Variants in MRRF observed in about 807,000 individuals in gnomAD.
MRRF encodes the protein ribosome-recycling factor, mitochondrial.
Under a neutral mutation model 25.1 loss-of-function variants are expected in MRRF, and 18 were observed. The ratio of observed to expected loss-of-function variants is 0.72; its 90% CI spans 0.50 to 1.06. The LOEUF is 1.06. Ranked by LOEUF, MRRF falls within the 50% of genes least tolerant of loss-of-function variation. The pLI is 0.00. For synonymous variants in MRRF, 113 were observed against 112.1 expected, an observed-to-expected ratio of 1.01 and a Z score of -0.05; for missense variants, 323 against 319.3, an observed-to-expected ratio of 1.01 and a Z score of -0.09.
chr9:122,313,928 A>G (rs1835360053), intron 6 of MRRF, among the ~76,000 whole-genome samples: 4 of 152,204 alleles, frequency 2.6e-5, no homozygotes. Flanking sequence ...AAGGTGATAT[A>G]AAAACAATAT....
intron 3 of MRRF, among the ~76,000 whole-genome samples, chr9:122,284,166 T>A (rs1833246528): frequency 6.6e-6 from 1 of 152,040 alleles, no homozygotes; most frequent in African/African-American, 2.4e-5. Flanking sequence ...AGAATCAGGA[T>A]CTCTCCAGGG....
intron 1 of MRRF, chr9:122,265,737 C>T: frequency 7.8e-7 from 1 of 1,287,806 alleles, no homozygotes; most frequent in Non-Finnish European, 1.0e-6. Flanking sequence ...TTTTTGAATA[C>T]GTGTGATTAT....
At position 122,324,190 on chromosome 9, in the gene MRRF, C is replaced by G. The variant is rs914951148; in HGVS notation, c.*1573C>G. 6.6e-6 allele frequency: 1 copy of G among 152,216 alleles called. No homozygotes were observed. Among genetic ancestry groups the G allele is most frequent in the Admixed American group, 6.5e-5 (1 of 15,292 alleles). The allele number at this position is 152,216 out of a possible 1,614,324, so 9.4% of individuals were successfully genotyped here. A position where few individuals can be genotyped will look rare whatever the true frequency, so the allele number is the denominator to read the frequency against. On this transcript the variant is annotated 3_prime_UTR_variant, in exon 7 of 7. Transcript: ENST00000344641. Reference sequence around the variant, plus strand: ...AACACTTTTGATGCCAGTCATGAGTCTGGGCCACCCATACTCCTGACTGAC... The same window carrying G: ...AACACTTTTGATGCCAGTCATGAGTGTGGGCCACCCATACTCCTGACTGAC...
At chr9:122,285,333 T>G (rs750020341) in intron 4 of MRRF, 46 bp downstream of exon 4, 41 of 1,082,226 alleles carry the variant, frequency 3.8e-5, no homozygotes, top group Non-Finnish European at 5.6e-5. Flanking sequence ...TCTTTTGGAA[T>G]GGAGGAGACT....
chr9:122,277,732 A>T (rs1373220125), intron 2 of MRRF, among the ~76,000 whole-genome samples: 2 of 152,018 alleles, frequency 1.3e-5, no homozygotes, highest in Non-Finnish European at 2.9e-5. Flanking sequence ...TTGTATTTTT[A>T]GTAGAGATGG....
At chr9:122,269,711 G>A (rs780179628) in intron 1 of MRRF, among the ~76,000 whole-genome samples, 18 of 152,158 alleles carry the variant, frequency 1.2e-4, no homozygotes, top group Non-Finnish European at 5.9e-5. Flanking sequence ...GGGCAACAGA[G>A]TGTGACTCAG....
At chr9:122,305,444 G>A (rs1178679728) in intron 5 of MRRF, among the ~76,000 whole-genome samples, 2 of 151,858 alleles carry the variant, frequency 1.3e-5, no homozygotes, top group Non-Finnish European at 2.9e-5. Flanking sequence ...TAACGATGGG[G>A]TCTCACCATG....
chr9:122,288,526 C>G (rs1051620747), intron 4 of MRRF, among the ~76,000 whole-genome samples: 1 of 152,236 alleles, frequency 6.6e-6, no homozygotes. Context: ...AAAGCCTGTG[C>G]TCCTTTCACC....
At chr9:122,266,744 G>A (rs1832116693) in intron 1 of MRRF, among the ~76,000 whole-genome samples, 1 of 152,196 alleles carries the variant, frequency 6.6e-6, no homozygotes, top group African/African-American at 2.4e-5. Flanking sequence ...GAAGAACAGG[G>A]AAATCGTTTG....
intron 3 of MRRF, among the ~76,000 whole-genome samples, chr9:122,281,965 G>C (rs181234032): frequency 2.0e-5 from 3 of 152,320 alleles, no homozygotes; most frequent in Admixed American, 1.3e-4. Context: ...TGAAAAGCCT[G>C]TGTTGGGACT....
At chr9:122,285,949 G>A in intron 4 of MRRF, 1 of 1,302,586 alleles carries the variant, frequency 7.7e-7, no homozygotes, top group Non-Finnish European at 1.0e-6. Flanking sequence ...ACTGGAAGGT[G>A]GGTTGTATTA....
At chr9:122,267,850 CT>C (rs1587995158) in intron 1 of MRRF, among the ~76,000 whole-genome samples, 1 of 152,184 alleles carries the variant, frequency 6.6e-6, no homozygotes, top group African/African-American at 2.4e-5. Flanking sequence ...TTATTGTTAT[CT>C]TTTAAAGTCT....
chr9:122,310,963 A>G (rs1835168673), intron 5 of MRRF, among the ~76,000 whole-genome samples: 1 of 152,222 alleles, frequency 6.6e-6, no homozygotes, highest in Non-Finnish European at 1.5e-5. Context: ...AAGTAATTAA[A>G]CATGTTTGAT....
intron 6 of MRRF, among the ~76,000 whole-genome samples, chr9:122,314,620 T>G (rs907523151): frequency 6.6e-6 from 1 of 152,186 alleles, no homozygotes; most frequent in Non-Finnish European, 1.5e-5. Flanking sequence ...TAAATCCTTC[T>G]CAGGTGATTC....
At chr9:122,319,207 G>C (rs543491713) in intron 6 of MRRF, among the ~76,000 whole-genome samples, 1 of 145,608 alleles carries the variant, frequency 6.9e-6, no homozygotes, top group African/African-American at 2.6e-5. Context: ...CTGGAGTGCA[G>C]TGGCGCAATC....
rs1192390142 is a variant in MRRF at position 122,317,793 on chromosome 9, A to AT, written c.711+4413dup. Among the ~76,000 whole-genome samples, 5 of 152,248 alleles carry AT rather than the reference A, an allele frequency of 3.3e-5. No homozygotes were observed. In the South Asian group the frequency reaches 1.0e-3, roughly 32 times the overall value. On this transcript the variant is annotated intron_variant, in intron 6 of 6. Coordinates refer to ENST00000344641, the MANE Select transcript of MRRF (RefSeq NM_138777.5). ...ATTTTCAAAAATCTTTTGAGGTCAG[A>AT]TTTTTTAAAGCTTTATTATAAAAAT...
At chr9:122,286,059 T>A in intron 4 of MRRF, 1 of 1,289,818 alleles carries the variant, frequency 7.8e-7, no homozygotes, top group South Asian at 1.2e-5. Flanking sequence ...GGATTAGGAG[T>A]CTTAGAGTAC....
chr9:122,268,085 T>C (rs1832229665), intron 1 of MRRF, among the ~76,000 whole-genome samples: 1 of 152,246 alleles, frequency 6.6e-6, no homozygotes, highest in East Asian at 1.9e-4. Context: ...TTATCTGTGC[T>C]GAACTGAATG....
rs1183227466 is a variant in MRRF, at chr9:122,322,830, A to G, written c.*213A>G. On this transcript the variant is annotated 3_prime_UTR_variant, in exon 7 of 7. Transcript: ENST00000344641. ...CTGGGCCGGTGGGTGGCTCTCAGAAAATACTTGCTGCTGGCAAAAGGCCTG... is the reference window on the plus strand; with the variant it reads ...CTGGGCCGGTGGGTGGCTCTCAGAAGATACTTGCTGCTGGCAAAAGGCCTG... 4.8e-6 allele frequency: 3 copies of G among 623,826 alleles called. No individual in the cohort carries two copies. Among genetic ancestry groups the G allele is most frequent in the Middle Eastern group, 4.3e-4 (1 of 2,342 alleles). The allele number at this position is 623,826 out of a possible 1,614,324, so 38.6% of individuals were successfully genotyped here. A position where few individuals can be genotyped will look rare whatever the true frequency, so the allele number is the denominator to read the frequency against.
Sources: gnomAD v4.1 joint callset for allele counts (sites outside exome capture counted in the v4.1 genomes callset) on GRCh38, gnomAD v4.1.1 for gene constraint, MANE v1.5 for transcripts, NCBI Gene and HGNC (gene_info 2026-07-23, HGNC 2026-07-21) for gene names.